Variants in CMSS1 observed in about 807,000 individuals in gnomAD.
CMSS1 encodes protein CMSS1.
A neutral mutation model predicts 43.5 loss-of-function variants in CMSS1; 33 were observed. The ratio of observed to expected loss-of-function variants is 0.76; its 90% CI spans 0.57 to 1.01. The LOEUF is 1.01. CMSS1 is among the 50% of genes least tolerant of loss of function. CMSS1 has a pLI of 0.00. For synonymous variants in CMSS1, 115 were observed against 117.2 expected, an observed-to-expected ratio of 0.98 and a Z score of 0.12; for missense variants, 313 against 326.4, an observed-to-expected ratio of 0.96 and a Z score of 0.32.
At chr3:100,012,619 T>A (rs1340861693) in intron 1 of CMSS1, among the ~76,000 whole-genome samples, 1 of 152,126 alleles carries the variant, frequency 6.6e-6, no homozygotes, top group African/African-American at 2.4e-5. Context: ...TGGGCCTAAT[T>A]ATTTCATAGA....
intron 2 of CMSS1, chr3:100,159,838 G>A (rs186743371): frequency 2.2e-5 from 10 of 455,834 alleles, no homozygotes; most frequent in Admixed American, 9.4e-5. Flanking sequence ...GTGCTGAGAC[G>A]GTTATCAGAC....
At chr3:100,115,171 A>G (rs914574629) in intron 1 of CMSS1, among the ~76,000 whole-genome samples, 10 of 152,146 alleles carry the variant, frequency 6.6e-5, no homozygotes, top group African/African-American at 2.4e-4. Flanking sequence ...TTCAACAAAT[A>G]TATATTTCAG....
intron 1 of CMSS1, among the ~76,000 whole-genome samples, chr3:99,975,585 CAA>C (rs879922288): frequency 1.8e-5 from 2 of 113,724 alleles, no homozygotes. Flanking sequence ...GACTCCGTCT[CAA>C]AAAAAAAAAA....
chr3:100,153,309 T>C (rs548869273), intron 2 of CMSS1, among the ~76,000 whole-genome samples: 1 of 152,368 alleles, frequency 6.6e-6, no homozygotes, highest in Non-Finnish European at 1.5e-5. Flanking sequence ...AGTTACATGC[T>C]GTTTTGTTTA....
At chr3:99,907,426 T>C (rs1706654205) in intron 1 of CMSS1, among the ~76,000 whole-genome samples, 1 of 152,066 alleles carries the variant, frequency 6.6e-6, no homozygotes, top group Non-Finnish European at 1.5e-5. Context: ...TTTTTGTATT[T>C]TTAGTAGAGA....
At chr3:99,866,356 G>A (rs1318589297) in intron 1 of CMSS1, among the ~76,000 whole-genome samples, 1 of 152,048 alleles carries the variant, frequency 6.6e-6, no homozygotes, top group Non-Finnish European at 1.5e-5. Flanking sequence ...TGGTATGCTT[G>A]GGAAACCAAA....
chr3:100,083,847 T>C (rs2065967164), intron 1 of CMSS1, among the ~76,000 whole-genome samples: 1 of 152,186 alleles, frequency 6.6e-6, no homozygotes, highest in Non-Finnish European at 1.5e-5. Context: ...AGTGCTAGTA[T>C]TAAGGCATGA....
rs370887143 is a variant in CMSS1, at chr3:100,171,948, T to A, written c.579+49T>A. 25 of 1,409,310 alleles carry A rather than the reference T, an allele frequency of 1.8e-5. No individual in the cohort carries two copies. In the South Asian group the frequency reaches 2.6e-4, roughly 14 times the overall value. 87.3% of individuals were successfully genotyped at this position (1,409,310 alleles called of 1,614,324 possible). A position where few individuals can be genotyped will look rare whatever the true frequency, so the allele number is the denominator to read the frequency against. On this transcript the variant is annotated intron_variant, in intron 7 of 9. Coordinates refer to ENST00000421999, the MANE Select transcript of CMSS1 (RefSeq NM_032359.4). ...CTAAAGGCCTCTCCCAGACCTCAGC[T>A]TTTTTCCTTTCAACCTCTTCTCCTA...
At chr3:100,073,750 G>A (rs1460213984) in intron 1 of CMSS1, among the ~76,000 whole-genome samples, 2 of 152,164 alleles carry the variant, frequency 1.3e-5, no homozygotes, top group Non-Finnish European at 2.9e-5. Context: ...GCAGAGTAGG[G>A]TGTGTGCCGG....
chr3:100,129,833 A>G (rs911255793), intron 1 of CMSS1, among the ~76,000 whole-genome samples: 9 of 152,194 alleles, frequency 5.9e-5, no homozygotes, highest in Non-Finnish European at 1.2e-4. Flanking sequence ...TACTAAAGTC[A>G]TTATTACTAT....
chr3:100,121,265 C>T (rs550002096), intron 1 of CMSS1, among the ~76,000 whole-genome samples: 4 of 148,422 alleles, frequency 2.7e-5, no homozygotes, highest in South Asian at 2.3e-4. Flanking sequence ...CCTACAGGCC[C>T]GATGTGTGAT....
At chr3:100,100,408 A>C (rs1447611325) in intron 1 of CMSS1, among the ~76,000 whole-genome samples, 1 of 152,228 alleles carries the variant, frequency 6.6e-6, no homozygotes, top group East Asian at 1.9e-4. Context: ...CAGACCCTGC[A>C]AAGTAATTAC....
intron 1 of CMSS1, among the ~76,000 whole-genome samples, chr3:99,828,109 A>G (rs1374654468): frequency 6.6e-6 from 1 of 152,170 alleles, no homozygotes; most frequent in Non-Finnish European, 1.5e-5. Context: ...TTCTGGGACT[A>G]TTGTTAGTGC....
chr3:99,921,516 A>C (rs910623289), intron 1 of CMSS1, among the ~76,000 whole-genome samples: 1 of 152,196 alleles, frequency 6.6e-6, no homozygotes, highest in African/African-American at 2.4e-5. Context: ...ATATGCATCA[A>C]GGGAGTTGAG....
chr3:99,930,329 G>A (rs1345777535), intron 1 of CMSS1, among the ~76,000 whole-genome samples: 1 of 152,114 alleles, frequency 6.6e-6, no homozygotes, highest in Non-Finnish European at 1.5e-5. Context: ...GGATTTTCAG[G>A]GGGTAGGAAA....
At chr3:100,084,477 A>C (rs2065976934) in intron 1 of CMSS1, among the ~76,000 whole-genome samples, 2 of 152,228 alleles carry the variant, frequency 1.3e-5, no homozygotes, top group Non-Finnish European at 2.9e-5. Flanking sequence ...AAGAAAATGA[A>C]TAAAGCCTTT....
At chr3:99,920,973 AC>A (rs1328833826) in intron 1 of CMSS1, among the ~76,000 whole-genome samples, 5 of 152,080 alleles carry the variant, frequency 3.3e-5, no homozygotes, top group African/African-American at 4.8e-5. Flanking sequence ...TCAACCAGAT[AC>A]CCCTTTGTAT....
At chr3:99,827,545 C>T (rs1942557987) in intron 1 of CMSS1, among the ~76,000 whole-genome samples, 1 of 152,042 alleles carries the variant, frequency 6.6e-6, no homozygotes, top group African/African-American at 2.4e-5. Context: ...ACTGCATTAC[C>T]ATTTAAAGAT....
At chr3:99,821,730 C>T (rs919632090) in intron 1 of CMSS1, among the ~76,000 whole-genome samples, 3 of 152,090 alleles carry the variant, frequency 2.0e-5, no homozygotes, top group Admixed American at 6.5e-5. Flanking sequence ...GCATGGATTT[C>T]GTGACTTAAG....
Sources: allele counts gnomAD v4.1 joint callset (sites outside exome capture counted in the v4.1 genomes callset), GRCh38; gene constraint gnomAD v4.1.1; transcripts MANE v1.5; gene names NCBI Gene and HGNC (gene_info 2026-07-23, HGNC 2026-07-21).